The following CDH18 variants were observed in gnomAD, a reference collection of about 807,000 sequenced individuals.
CDH18 encodes the protein cadherin-18.
A neutral mutation model predicts 67.9 loss-of-function variants in CDH18; 31 were observed. That is an observed-to-expected ratio of 0.46 (90% confidence interval 0.34 to 0.62). The LOEUF is 0.62. CDH18 is among the 20% of genes least tolerant of loss of function. The pLI is 0.01. For synonymous variants in CDH18, 362 were observed against 347.2 expected (o/e 1.04, Z -0.48); for missense variants, 890 against 975.5 (o/e 0.91, Z 1.17).
chr5:20,326,885 G>A (rs556208777), intron 1 of CDH18, among the ~76,000 whole-genome samples: 2 of 152,096 alleles, frequency 1.3e-5, no homozygotes, highest in Non-Finnish European at 2.9e-5. Flanking sequence ...GTAAATATAT[G>A]TTACAGTTTT....
At chr5:20,055,990 C>CTTTTTTTTTTTTTTTT (rs34736791) in intron 2 of CDH18, among the ~76,000 whole-genome samples, 1 of 73,790 alleles carries the variant, frequency 1.4e-5, no homozygotes, top group African/African-American at 5.3e-5. Flanking sequence ...TTTTGGTTTC[C>CTTTTTTTTTTTTTTTT]TTTTTTTTTT....
At chr5:19,537,537 C>T (rs1345976551) in intron 9 of CDH18, among the ~76,000 whole-genome samples, 2 of 152,082 alleles carry the variant, frequency 1.3e-5, no homozygotes, top group South Asian at 4.1e-4. Context: ...CAAATTCAGA[C>T]ACATTTGGAA....
intron 3 of CDH18, among the ~76,000 whole-genome samples, chr5:19,750,708 A>C (rs1014615216): frequency 2.0e-5 from 3 of 151,978 alleles, no homozygotes; most frequent in African/African-American, 7.2e-5. Context: ...TTTACAGTGA[A>C]ATAAGTAAAA....
At chr5:19,855,889 A>G (rs1784231503) in intron 2 of CDH18, among the ~76,000 whole-genome samples, 2 of 152,172 alleles carry the variant, frequency 1.3e-5, no homozygotes, top group African/African-American at 2.4e-5. Flanking sequence ...CTCATTTAAG[A>G]TATTTTCAAG....
At chr5:20,410,093 G>T (rs2150142199) in intron 1 of CDH18, among the ~76,000 whole-genome samples, 1 of 151,736 alleles carries the variant, frequency 6.6e-6, no homozygotes, top group African/African-American at 2.4e-5. Flanking sequence ...CCTAAACTCT[G>T]CAAAAGAATT....
chr5:20,149,519 G>C (rs1750934925), intron 2 of CDH18, among the ~76,000 whole-genome samples: 1 of 152,088 alleles, frequency 6.6e-6, no homozygotes, highest in South Asian at 2.1e-4. Context: ...TCAGTTGTTA[G>C]ACACTTCTAT....
chr5:19,570,536 C>A (rs1435491470), intron 8 of CDH18, among the ~76,000 whole-genome samples: 1 of 152,020 alleles, frequency 6.6e-6, no homozygotes, highest in African/African-American at 2.4e-5. Flanking sequence ...ACTGAGGAGA[C>A]TATTTAGTAT....
At chr5:20,426,289 G>T (rs192295832) in intron 1 of CDH18, among the ~76,000 whole-genome samples, 13 of 151,178 alleles carry the variant, frequency 8.6e-5, no homozygotes, top group African/African-American at 3.2e-4. Context: ...TGCAATGCAT[G>T]ATAATTATTA....
intron 9 of CDH18, among the ~76,000 whole-genome samples, chr5:19,536,901 G>A (rs935465897): frequency 3.3e-5 from 5 of 152,142 alleles, no homozygotes; most frequent in African/African-American, 1.2e-4. Flanking sequence ...AGTGGGTATG[G>A]CACTCGAGGT....
At chr5:20,553,414 G>T (rs887634630) in intron 1 of CDH18, among the ~76,000 whole-genome samples, 6 of 152,068 alleles carry the variant, frequency 3.9e-5, no homozygotes, top group Admixed American at 1.3e-4. Context: ...AAAACAAATT[G>T]TCCTTTCCCA....
chr5:20,024,877 G>T (rs1273363109), intron 2 of CDH18, among the ~76,000 whole-genome samples: 2 of 152,128 alleles, frequency 1.3e-5, no homozygotes, highest in Non-Finnish European at 2.9e-5. Flanking sequence ...TCAGGCAGTG[G>T]ATTTGAATAC....
intron 2 of CDH18, among the ~76,000 whole-genome samples, chr5:19,910,414 A>C (rs1791003661): frequency 6.6e-6 from 1 of 152,158 alleles, no homozygotes; most frequent in African/African-American, 2.4e-5. Flanking sequence ...CTGTATTATG[A>C]ACCGATGTTG....
intron 3 of CDH18, among the ~76,000 whole-genome samples, chr5:19,776,845 GAACT>G (rs1454173490): frequency 6.6e-6 from 1 of 152,052 alleles, no homozygotes; most frequent in Non-Finnish European, 1.5e-5. Context: ...GAAATAATAA[GAACT>G]AATAGTGAAA....
rs180980062 is a variant in CDH18, at chr5:20,148,479, A to G, written c.-518+106965T>C. Among the ~76,000 whole-genome samples the G allele has an allele frequency of 6.3e-4, 96 of 152,238 alleles. No homozygotes were observed. In the South Asian group the frequency reaches 0.017, roughly 27 times the overall value. On this transcript the variant is annotated intron_variant, in intron 2 of 14. Transcript: ENST00000507958. ...TATTTTGATTCTAAAAATCTAAGCA[A>G]TTTTATACAAATATCTGAAGACTTA...
At chr5:20,249,354 T>C (rs1331244529) in intron 2 of CDH18, among the ~76,000 whole-genome samples, 1 of 151,598 alleles carries the variant, frequency 6.6e-6, no homozygotes, top group Non-Finnish European at 1.5e-5. Context: ...TCTTTTAAAT[T>C]ATGAAATAAC....
chr5:20,046,793 C>T (rs941241857), intron 2 of CDH18, among the ~76,000 whole-genome samples: 7 of 151,342 alleles, frequency 4.6e-5, no homozygotes, highest in Non-Finnish European at 1.0e-4. Context: ...CAGCGCTTTT[C>T]GAGAGCTGTT....
intron 2 of CDH18, among the ~76,000 whole-genome samples, chr5:20,042,073 A>G (rs1740476965): frequency 6.6e-6 from 1 of 152,252 alleles, no homozygotes; most frequent in Non-Finnish European, 1.5e-5. Flanking sequence ...TGTCAGCCAG[A>G]GTTCAAGGCA....
intron 2 of CDH18, among the ~76,000 whole-genome samples, chr5:19,934,744 TATC>T (rs1386534684): frequency 6.6e-6 from 1 of 151,464 alleles, no homozygotes; most frequent in Non-Finnish European, 1.5e-5. Flanking sequence ...TGTTTATAGT[TATC>T]ATCTTTTTGC....
At chr5:19,650,214 A>C (rs1202771883) in intron 5 of CDH18, among the ~76,000 whole-genome samples, 2 of 151,996 alleles carry the variant, frequency 1.3e-5, no homozygotes, top group Non-Finnish European at 2.9e-5. Context: ...AAAATGTTTA[A>C]TTAAGGTTGC....
Sources: allele counts gnomAD v4.1 joint callset (sites outside exome capture counted in the v4.1 genomes callset), GRCh38; gene constraint gnomAD v4.1.1; transcripts MANE v1.5; gene names NCBI Gene and HGNC (gene_info 2026-07-23, HGNC 2026-07-21).